SLC14A2: variants seen among roughly 807,000 people sequenced by gnomAD.
The protein encoded by SLC14A2 is urea transporter 2.
SLC14A2 carries 91 observed loss-of-function variants against 104.6 expected under a neutral mutation model. That is an observed-to-expected ratio of 0.87 (90% CI 0.73 to 1.04). The LOEUF is 1.04. SLC14A2 is among the 50% of genes least tolerant of loss of function. SLC14A2 has a pLI of 0.00. For synonymous variants in SLC14A2, 476 were observed against 466.4 expected (o/e 1.02, Z -0.27); for missense variants, 1,189 against 1,156.0 (o/e 1.03, Z -0.41).
intron 1 of SLC14A2, among the ~76,000 whole-genome samples, chr18:45,276,086 TGAGGCTG>T (rs1248462306): frequency 6.6e-6 from 1 of 152,184 alleles, no homozygotes; most frequent in Admixed American, 6.5e-5. Context: ...GCAAAGGCCC[TGAGGCTG>T]GCTGCTTGTG....
In SLC14A2 at chr18:45,294,935, T is replaced by C. The variant is rs578064632; in HGVS notation, c.-125+81744T>C. Among the ~76,000 whole-genome samples, 16 of 152,390 alleles carry C rather than the reference T, an allele frequency of 1.0e-4. No homozygotes were observed. The South Asian group carries it at 3.3e-3, about 32-fold the overall frequency. Reference sequence around the variant, plus strand: ...ACATTTGAAATATGTATATTTGTTTTTCACTTTTTGAAAGCATACAACATT... The same window carrying C: ...ACATTTGAAATATGTATATTTGTTTCTCACTTTTTGAAAGCATACAACATT... On this transcript the variant is annotated intron_variant, in intron 1 of 20. Coordinates refer to the SLC14A2 transcript ENST00000586448.
intron 1 of SLC14A2, among the ~76,000 whole-genome samples, chr18:45,480,470 T>C (rs926430123): frequency 2.0e-5 from 3 of 152,160 alleles, no homozygotes; most frequent in African/African-American, 2.4e-5. Flanking sequence ...AACACTAAGA[T>C]AGGTAGAACA....
intron 2 of SLC14A2, among the ~76,000 whole-genome samples, chr18:45,562,339 T>TAA (rs1285598908): frequency 6.6e-6 from 1 of 152,212 alleles, no homozygotes; most frequent in African/African-American, 2.4e-5. Context: ...GTAGACCAAG[T>TAA]AAGAGTGAAA....
intron 1 of SLC14A2, among the ~76,000 whole-genome samples, chr18:45,278,225 C>T (rs2084723834): frequency 6.6e-6 from 1 of 152,178 alleles, no homozygotes; most frequent in African/African-American, 2.4e-5. Context: ...GTGTGACATT[C>T]TTGTGCTTTT....
intron 1 of SLC14A2, among the ~76,000 whole-genome samples, chr18:45,388,881 G>C (rs944884300): frequency 6.6e-6 from 1 of 152,140 alleles, no homozygotes; most frequent in Non-Finnish European, 1.5e-5. Flanking sequence ...AATGTGGATT[G>C]GCTTCTTCAA....
chr18:45,470,701 T>C (rs1351275837), intron 1 of SLC14A2, among the ~76,000 whole-genome samples: 1 of 152,182 alleles, frequency 6.6e-6, no homozygotes, highest in Non-Finnish European at 1.5e-5. Context: ...TAATGACATG[T>C]GTATAGTTCC....
At chr18:45,506,620 C>A (rs2043290202) in intron 2 of SLC14A2, among the ~76,000 whole-genome samples, 1 of 152,128 alleles carries the variant, frequency 6.6e-6, no homozygotes, top group Non-Finnish European at 1.5e-5. Context: ...GGAGTGATGC[C>A]ACCACAAGCC....
intron 10 of SLC14A2, among the ~76,000 whole-genome samples, chr18:45,645,807 T>G (rs2045615488): frequency 6.6e-6 from 1 of 151,926 alleles, no homozygotes; most frequent in Non-Finnish European, 1.5e-5. Context: ...CAATAAAACT[T>G]TATTAAACAA....
intron 10 of SLC14A2, among the ~76,000 whole-genome samples, chr18:45,660,973 G>A: frequency 6.6e-6 from 1 of 152,216 alleles, no homozygotes; most frequent in Admixed American, 6.5e-5. Flanking sequence ...ATCGTGAGGA[G>A]CTGCTGCCCT....
Position 45,607,993 on chromosome 18 carries a change from C to T in SLC14A2, c.-34-16638C>T, listed in dbSNP as rs77729815. Among the ~76,000 whole-genome samples, 594 of 152,362 alleles carry T rather than the reference C, an allele frequency of 3.9e-3. 4 individuals are homozygous for T. Among genetic ancestry groups the T allele is most frequent in the African/African-American group, 0.014 (577 of 41,590 alleles). On this transcript the variant is annotated intron_variant, in intron 2 of 20. Transcript: ENST00000586448. ...AACAACCAAAAGATTCTCTCCAATG[C>T]CTCCATTCTCTACTCCTACCCTACA...
chr18:45,270,955 C>T (rs2084645025), intron 1 of SLC14A2, among the ~76,000 whole-genome samples: 1 of 152,118 alleles, frequency 6.6e-6, no homozygotes, highest in South Asian at 2.1e-4. Flanking sequence ...TGATTTTAAG[C>T]AGATACAAAT....
At chr18:45,648,195 C>CTTTT (rs59843067) in intron 10 of SLC14A2, among the ~76,000 whole-genome samples, 29 of 101,242 alleles carry the variant, frequency 2.9e-4, no homozygotes, top group African/African-American at 1.1e-3. Flanking sequence ...CTAGTTAATG[C>CTTTT]TTTTTTTTTT....
At chr18:45,655,572 G>C (rs2045821842) in intron 10 of SLC14A2, among the ~76,000 whole-genome samples, 1 of 152,166 alleles carries the variant, frequency 6.6e-6, no homozygotes, top group African/African-American at 2.4e-5. Context: ...AGACTTACAG[G>C]GAAAGAGTGC....
intron 2 of SLC14A2, among the ~76,000 whole-genome samples, chr18:45,600,259 A>G (rs1293006168): frequency 1.3e-5 from 2 of 152,012 alleles, no homozygotes; most frequent in Admixed American, 6.6e-5. Flanking sequence ...ACTTATTGTC[A>G]TACTGCTTGG....
At chr18:45,651,760 A>C (rs1246905834) in intron 10 of SLC14A2, among the ~76,000 whole-genome samples, 1 of 152,186 alleles carries the variant, frequency 6.6e-6, no homozygotes, top group Non-Finnish European at 1.5e-5. Flanking sequence ...GAGGTGGTAA[A>C]AAGGTAAGAA....
At chr18:45,241,637 CTCTTT>C in intron 1 of SLC14A2, among the ~76,000 whole-genome samples, 17 of 135,180 alleles carry the variant, frequency 1.3e-4, no homozygotes, top group Middle Eastern at 3.8e-3. Flanking sequence ...CTTTTCTTTT[CTCTTT>C]TTTTTTTTTT....
chr18:45,620,437 G>T (rs1367853883), intron 1 of SLC14A2, among the ~76,000 whole-genome samples: 1 of 152,218 alleles, frequency 6.6e-6, no homozygotes, highest in Non-Finnish European at 1.5e-5. Context: ...TCAAGGACAT[G>T]ATTTATCTGT....
At chr18:45,325,135 A>C (rs1391377713) in intron 1 of SLC14A2, among the ~76,000 whole-genome samples, 2 of 152,220 alleles carry the variant, frequency 1.3e-5, no homozygotes, top group Admixed American at 6.5e-5. Flanking sequence ...ATGAAAATTT[A>C]GGTGACAGTG....
At chr18:45,294,090 T>A (rs2084897646) in intron 1 of SLC14A2, among the ~76,000 whole-genome samples, 1 of 152,210 alleles carries the variant, frequency 6.6e-6, no homozygotes, top group Non-Finnish European at 1.5e-5. Flanking sequence ...TTACCATTCA[T>A]GTGAGTGGTG....
Sources: allele counts gnomAD v4.1 joint callset (sites outside exome capture counted in the v4.1 genomes callset), GRCh38; gene constraint gnomAD v4.1.1; transcripts MANE v1.5; gene names NCBI Gene and HGNC (gene_info 2026-07-23, HGNC 2026-07-21).